The following MAGT1 variants were observed in gnomAD, a reference collection of about 807,000 sequenced individuals.
MAGT1 encodes dolichyl-diphosphooligosaccharide--protein glycosyltransferase subunit MAGT1.
MAGT1 carries 4 observed loss-of-function variants against 28.4 expected under a neutral mutation model. The observed-to-expected ratio is 0.14, with a 90% CI of 0.07 to 0.32. The LOEUF (loss-of-function observed/expected upper bound fraction) is 0.32. MAGT1 is among the 10% of genes least tolerant of loss of function. The probability of loss-of-function intolerance (pLI) is 1.00; values close to 1 mark genes in which losing one functional copy is unlikely to be tolerated. For missense variants in MAGT1, 193 were observed against 264.5 expected (o/e 0.73, Z 1.88); for synonymous variants, 89 against 89.7 (o/e 0.99, Z 0.04).
chrX:77,860,436 A>G (rs1191332587), intron 3 of MAGT1, among the ~76,000 whole-genome samples: 2 of 111,735 alleles, frequency 1.8e-5, no homozygotes, highest in African/African-American at 6.5e-5. Flanking sequence ...TAGAAAGAAA[A>G]CCTGTGAAAT....
chrX:77,850,484 AGG>A (rs35120738), intron 7 of MAGT1, among the ~76,000 whole-genome samples: 8,065 of 33,749 alleles, frequency 0.24, 392 homozygotes, highest in Non-Finnish European at 0.31. Context: ...CAAAAAAAAA[AGG>A]GGGGGGGGGT....
chrX:77,895,356 G>A lies in MAGT1; in HGVS notation c.55C>T (p.Leu19Phe). 1 of 1,212,106 alleles carries A rather than the reference G, an allele frequency of 8.3e-7. No homozygotes were observed. The highest frequency in any genetic ancestry group is 1.1e-6 in the Non-Finnish European group (1 of 895,620). ...GCTGAGGGAACGTCGCAAACGATGA[G>A]CAGCGCCACCACCATGGTCACAGAG... is the stretch of plus-strand genomic sequence containing the variant. ...CVSVTMVVALLIVCDVPSASA... is the reference protein window; with the variant it reads ...CVSVTMVVALFIVCDVPSASA... The change falls in exon 1 of 10, where the codon CTC becomes TTC. Residue 19 changes from leucine (L) to phenylalanine (F), a missense_variant. By Grantham distance (22) the Leu-to-Phe change is conservative. Coordinates refer to ENST00000618282, the MANE Select transcript of MAGT1 (RefSeq NM_001367916.1).
intron 8 of MAGT1, among the ~76,000 whole-genome samples, chrX:77,831,260 G>A (rs961888696): frequency 1.8e-5 from 2 of 110,689 alleles, no homozygotes; most frequent in Non-Finnish European, 3.8e-5. Context: ...CTCATGATCC[G>A]CCTGCCTCAG....
chrX:77,879,464 CTT>C (rs1313298725), intron 1 of MAGT1, among the ~76,000 whole-genome samples: 1 of 112,108 alleles, frequency 8.9e-6, no homozygotes, highest in African/African-American at 3.2e-5. Context: ...TTTTGCTCAT[CTT>C]TATAGAGATA....
intron 7 of MAGT1, among the ~76,000 whole-genome samples, chrX:77,852,522 T>C (rs1324897802): frequency 8.9e-6 from 1 of 112,184 alleles, no homozygotes; most frequent in Non-Finnish European, 1.9e-5. Flanking sequence ...TTTATACTTA[T>C]TTGTATTCTA....
At chrX:77,879,469 TAG>T (rs782337708) in intron 1 of MAGT1, among the ~76,000 whole-genome samples, 1 of 112,344 alleles carries the variant, frequency 8.9e-6, no homozygotes, top group African/African-American at 3.2e-5. Flanking sequence ...CTCATCTTTA[TAG>T]AGATATGTAT....
chrX:77,868,564 G>A (rs1557217049), intron 3 of MAGT1: 4 of 198,378 alleles, frequency 2.0e-5, no homozygotes, highest in Non-Finnish European at 3.9e-5. Context: ...TTGAATCCAG[G>A]AGGCAGAGGT....
At chrX:77,878,793 A>AAAAAAAAAAAAG (rs1218672690) in intron 1 of MAGT1, among the ~76,000 whole-genome samples, 2 of 107,893 alleles carry the variant, frequency 1.9e-5, no homozygotes, top group Non-Finnish European at 1.9e-5. Flanking sequence ...TCTATCTCAA[A>AAAAAAAAAAAAG]AAAAAAAAAA....
rs782176437 is a variant in MAGT1, at chrX:77,841,327, A to C, written c.827-7T>G. ...CCTAAGGTAACTCCACCATCTAAGA[A>C]AAATTGTTTAAGGAGAAATTCGCAC... On this transcript the variant is annotated splice_polypyrimidine_tract_variant and splice_region_variant and intron_variant, in intron 7 of 9. Coordinates refer to ENST00000618282, the MANE Select transcript of MAGT1 (RefSeq NM_001367916.1). 3.5e-6 allele frequency: 4 copies of C among 1,151,773 alleles called. No homozygotes were observed. The highest frequency in any genetic ancestry group is 4.8e-6 in the Non-Finnish European group (4 of 840,995). 94.9% of individuals were successfully genotyped at this position (1,151,773 alleles called of 1,213,427 possible). A position where few individuals can be genotyped will look rare whatever the true frequency, so the allele number is the denominator to read the frequency against.
At chrX:77,859,335 T>A (rs782386003) in intron 3 of MAGT1, among the ~76,000 whole-genome samples, 1 of 112,665 alleles carries the variant, frequency 8.9e-6, no homozygotes, top group Non-Finnish European at 1.9e-5. Context: ...ACAGTTACCA[T>A]TTACAGATAT....
intron 2 of MAGT1, 133 bp from the exon 3 acceptor site, chrX:77,871,058 A>T (rs781811339): frequency 1.5e-4 from 80 of 523,051 alleles, no homozygotes; most frequent in African/African-American, 1.5e-3. Flanking sequence ...AAACACTGAC[A>T]AGTAGGTCAG....
intron 1 of MAGT1, among the ~76,000 whole-genome samples, chrX:77,881,945 C>T (rs2077053921): frequency 9.0e-6 from 1 of 111,530 alleles, no homozygotes; most frequent in Non-Finnish European, 1.9e-5. Flanking sequence ...AAAGCTTATC[C>T]ACCATGATCA....
chrX:77,830,072 C>T (rs1182959257), intron 9 of MAGT1, among the ~76,000 whole-genome samples: 2 of 112,556 alleles, frequency 1.8e-5, no homozygotes, highest in African/African-American at 3.2e-5. Flanking sequence ...CCTATAATCC[C>T]AGCCCTCTGG....
intron 1 of MAGT1, among the ~76,000 whole-genome samples, chrX:77,893,489 A>T (rs1343137826): frequency 2.7e-5 from 3 of 111,873 alleles, no homozygotes; most frequent in Non-Finnish European, 5.6e-5. Context: ...AAAAAAACAA[A>T]ACCTATTTTC....
At chrX:77,891,320 A>ATCTATCTATCTG (rs1405994881) in intron 1 of MAGT1, among the ~76,000 whole-genome samples, 6 of 101,491 alleles carry the variant, frequency 5.9e-5, no homozygotes, top group Non-Finnish European at 1.2e-4. Flanking sequence ...TCCCTCATCT[A>ATCTATCTATCTG]TCTATCTATC....
chrX:77,861,444 T>C (rs782215750), intron 3 of MAGT1, among the ~76,000 whole-genome samples: 97 of 111,832 alleles, frequency 8.7e-4, no homozygotes, highest in African/African-American at 2.7e-3. Context: ...CTGTGCACCA[T>C]TGGTGGGAAG....
rs782790792 is a variant in MAGT1, at chrX:77,845,272, C to A, written c.827-3952G>T. On this transcript the variant is annotated intron_variant, in intron 7 of 9. Transcript: ENST00000618282. Reference sequence around the variant, plus strand: ...TCAGAGACTAGGATTGCAACCCCTGCCTTTGTTTTCCATTTGCTTGGTAGA... The same window carrying A: ...TCAGAGACTAGGATTGCAACCCCTGACTTTGTTTTCCATTTGCTTGGTAGA... 4.9e-4 allele frequency among the ~76,000 whole-genome samples: 54 copies of A among 110,923 alleles called. No individual in the cohort carries two copies. The South Asian group carries it at 0.012, about 24-fold the overall frequency.
intron 2 of MAGT1, among the ~76,000 whole-genome samples, chrX:77,874,619 A>C (rs2077028435): frequency 9.4e-6 from 1 of 106,697 alleles, no homozygotes; most frequent in African/African-American, 3.4e-5. Context: ...AAAGAAAATT[A>C]CCAGTTTTCT....
At chrX:77,874,342 A>G (rs782263512) in intron 2 of MAGT1, among the ~76,000 whole-genome samples, 3 of 106,515 alleles carry the variant, frequency 2.8e-5, no homozygotes, top group South Asian at 4.4e-4. Context: ...TCACGCCTGT[A>G]ATCCCAGCAC....
Sources: allele counts gnomAD v4.1 joint callset (sites outside exome capture counted in the v4.1 genomes callset), GRCh38; gene constraint gnomAD v4.1.1; transcripts MANE v1.5; gene names NCBI Gene and HGNC (gene_info 2026-07-23, HGNC 2026-07-21).